WDFY3: variants seen among roughly 807,000 people sequenced by gnomAD.
WDFY3 encodes the protein WD repeat and FYVE domain containing 3, also known as WD repeat and FYVE domain-containing protein 3.
In WDFY3, 66 loss-of-function variants were observed where a neutral mutation model predicts 409.6. That is an observed-to-expected ratio of 0.16 (90% CI 0.13 to 0.20). The LOEUF (loss-of-function observed/expected upper bound fraction) is 0.20, where lower values mean the gene tolerates loss of function less well. WDFY3 is among the 10% of genes least tolerant of loss of function. WDFY3 has a pLI of 1.00. For missense variants in WDFY3, 3,031 were observed against 4,298.1 expected (o/e 0.71, Z 8.24); for synonymous variants, 1,521 against 1,537.1 (o/e 0.99, Z 0.25).
intron 58 of WDFY3, among the ~76,000 whole-genome samples, chr4:84,695,529 G>GAA (rs1220361368): frequency 6.6e-6 from 1 of 151,132 alleles, no homozygotes; most frequent in Non-Finnish European, 1.5e-5. Flanking sequence ...GAGAGAGAGA[G>GAA]AGAGAGAGAG....
At chr4:84,818,173 G>A (rs888161054) in intron 12 of WDFY3, among the ~76,000 whole-genome samples, 2 of 152,078 alleles carry the variant, frequency 1.3e-5, no homozygotes, top group African/African-American at 2.4e-5. Context: ...GAGGTAAGGC[G>A]GTCAAAGTCA....
In WDFY3 at chr4:84,692,912, A is replaced by G. The variant is rs201295590; in HGVS notation, c.9022T>C (p.Leu3008=). Residue 3008 remains leucine (L), a synonymous_variant, in exon 59 of 68, where the codon TTG becomes CTG. Coordinates refer to ENST00000295888, the MANE Select transcript of WDFY3 (RefSeq NM_014991.6). ...DKIFFHHLDN[L]RPSLTPVKEL... is the part of the protein sequence containing the mutation. ...TTTACAGGTGTTAGAGAAGGCCTCA[A>G]GTTGTCTAGATGATGAAAAAAGATC... 1.1e-4 allele frequency: 176 copies of G among 1,611,506 alleles called. No homozygotes were observed. Among genetic ancestry groups the G allele is most frequent in the Non-Finnish European group, 1.3e-4 (152 of 1,179,574 alleles).
chr4:84,741,618 C>T (rs1304745814), intron 38 of WDFY3, 143 bp downstream of exon 38: 1 of 1,001,572 alleles, frequency 1.0e-6, no homozygotes, highest in East Asian at 2.9e-5. Context: ...CCCAGCCTGT[C>T]TCTATTCACT....
At chr4:84,693,057 T>G in intron 58 of WDFY3, 25 bp from the exon 59 acceptor site, 2 of 1,603,210 alleles carry the variant, frequency 1.2e-6, no homozygotes, top group Non-Finnish European at 1.7e-6. Flanking sequence ...GATGACTCAC[T>G]TTATAATGAA....
At chr4:84,745,693 AAACT>A (rs1739311143) in intron 36 of WDFY3, among the ~76,000 whole-genome samples, 1 of 152,168 alleles carries the variant, frequency 6.6e-6, no homozygotes, top group South Asian at 2.1e-4. Context: ...GTTTGTCATT[AAACT>A]AATTTGGGAA....
chr4:84,690,401 T>C, intron 61 of WDFY3, 105 bp downstream of exon 61: 1 of 1,517,688 alleles, frequency 6.6e-7, no homozygotes, highest in Non-Finnish European at 9.0e-7. Context: ...TTTTGTCCAT[T>C]AGATCTGAAG....
chr4:84,709,693 G>C lies in WDFY3; in HGVS notation c.8043-346C>G, dbSNP rs143170839. On this transcript the variant is annotated intron_variant, in intron 51 of 67. Transcript: ENST00000295888. ...CTCTAGGTCATATTCAAAAGAGTTG[G>C]AAGAACACTGATCTAGTTCAACTTT... Among the ~76,000 whole-genome samples the C allele has an allele frequency of 5.1e-3, 774 of 152,304 alleles. 9 individuals carry two copies. The highest frequency in any genetic ancestry group is 0.017 in the African/African-American group (726 of 41,566).
intron 24 of WDFY3, 26 bp downstream of exon 24, chr4:84,785,953 G>A: frequency 6.2e-7 from 1 of 1,612,438 alleles, no homozygotes; most frequent in South Asian, 1.1e-5. Flanking sequence ...ATCAGCCATA[G>A]TACACCAAGA....
At chr4:84,908,961 A>C (rs1021956636) in intron 2 of WDFY3, among the ~76,000 whole-genome samples, 6 of 152,126 alleles carry the variant, frequency 3.9e-5, no homozygotes, top group African/African-American at 1.4e-4. Context: ...GGAAAAATTC[A>C]AAAGATGTTT....
At chr4:84,898,667 A>G (rs1765950787) in intron 2 of WDFY3, among the ~76,000 whole-genome samples, 1 of 152,196 alleles carries the variant, frequency 6.6e-6, no homozygotes, top group South Asian at 2.1e-4. Context: ...TGCTTTATTC[A>G]TCATCTCCAA....
chr4:84,688,620 G>A (rs1728729121), intron 61 of WDFY3, among the ~76,000 whole-genome samples: 1 of 152,018 alleles, frequency 6.6e-6, no homozygotes, highest in Admixed American at 6.6e-5. Context: ...TTGATTATGG[G>A]CATCAAAAAT....
At chr4:84,935,203 T>C (rs1445378457) in intron 1 of WDFY3, among the ~76,000 whole-genome samples, 1 of 152,206 alleles carries the variant, frequency 6.6e-6, no homozygotes, top group African/African-American at 2.4e-5. Context: ...TGTGTCATGT[T>C]CCACATGTGT....
At chr4:84,805,818 A>C (rs1412217578) in intron 15 of WDFY3, among the ~76,000 whole-genome samples, 2 of 152,164 alleles carry the variant, frequency 1.3e-5, no homozygotes, top group Non-Finnish European at 1.5e-5. Flanking sequence ...TATTCTGTAG[A>C]GTTCTGATTA....
At chr4:84,888,791 A>G (rs1197564714) in intron 3 of WDFY3, among the ~76,000 whole-genome samples, 4 of 151,840 alleles carry the variant, frequency 2.6e-5, no homozygotes, top group African/African-American at 9.7e-5. Context: ...CAAGGTGAGA[A>G]TATTTGCAAC....
In WDFY3 at chr4:84,821,408, ACT is replaced by A. The variant is rs746903510; in HGVS notation, c.1265_1266del (p.Glu422ValfsTer14). On this transcript the variant is annotated frameshift_variant, in exon 11 of 68. Coordinates refer to ENST00000295888, the MANE Select transcript of WDFY3 (RefSeq NM_014991.6). LOFTEE classifies it high-confidence loss of function. ...GCAAACTGTGACAATGTGTGCTGTG[ACT>A]CTAGGATGAAGTAATTGGCATTGTC... ...MADNANYFIL[E>X]SQHTLSQFAE... 1 of 1,613,814 alleles carries A rather than the reference ACT, an allele frequency of 6.2e-7. No individual in the cohort carries two copies. The highest frequency in any genetic ancestry group is 8.5e-7 in the Non-Finnish European group (1 of 1,179,858).
intron 36 of WDFY3, among the ~76,000 whole-genome samples, chr4:84,744,219 T>A (rs1271246033): frequency 2.0e-5 from 3 of 150,846 alleles, no homozygotes; most frequent in African/African-American, 4.9e-5. Context: ...ACACCTCACT[T>A]CCAAAAGAGA....
At chr4:84,683,547 T>C (rs889674527) in intron 63 of WDFY3, among the ~76,000 whole-genome samples, 8 of 152,124 alleles carry the variant, frequency 5.3e-5, no homozygotes, top group African/African-American at 1.9e-4. Context: ...CCTCGAAGTG[T>C]TTTCCAGCAC....
chr4:84,796,807 T>TC, intron 18 of WDFY3, 55 bp from the exon 19 acceptor site: 1 of 1,452,620 alleles, frequency 6.9e-7, no homozygotes, highest in Non-Finnish European at 9.5e-7. Context: ...CAAAATAACT[T>TC]TACAAGGCTG....
chr4:84,721,479 C>T lies in WDFY3; in HGVS notation c.7535G>A (p.Gly2512Asp), dbSNP rs748087278. 6.2e-7 allele frequency: 1 copy of T among 1,613,330 alleles called. No homozygotes were observed. Among genetic ancestry groups the T allele is most frequent in the South Asian group, 1.1e-5 (1 of 91,086 alleles). The stretch of plus-strand genomic sequence containing the variant: ...TTTCTCCTCCTCTTCTATGGAGCTG[C>T]CCTCAGCAATCTGGTCTTGTAGCTG... ...QEQLQDQIAE[G>D]SSIEEEEKTD... The change falls in exon 47 of 68, where the codon GGC (glycine) becomes GAC (aspartate). Residue 2512 changes from glycine (G) to aspartate (D), a missense_variant. This residue lies in a region of WDFY3 where 127 missense variants were observed against 144.4 expected (regional missense o/e 0.88). Transcript: ENST00000295888.
Sources: allele counts gnomAD v4.1 joint callset (sites outside exome capture counted in the v4.1 genomes callset), GRCh38; gene constraint gnomAD v4.1.1; regional missense constraint gnomAD v4.1.1; transcripts MANE v1.5; gene names NCBI Gene and HGNC (gene_info 2026-07-23, HGNC 2026-07-21).